Variants in EXOC6 observed in about 807,000 individuals in gnomAD.
EXOC6 encodes exocyst complex component 6, also known as SEC15-like 1.
EXOC6 carries 60 observed loss-of-function variants against 112.5 expected under a neutral mutation model. That is an observed-to-expected ratio of 0.53 (90% CI 0.43 to 0.66). EXOC6 has a LOEUF of 0.66. Ranked by LOEUF, EXOC6 falls within the 30% of genes least tolerant of loss-of-function variation. EXOC6 has a pLI of 0.00. For missense variants in EXOC6, 855 were observed against 957.1 expected (o/e 0.89, Z 1.41); for synonymous variants, 295 against 308.0 (o/e 0.96, Z 0.44).
At chr10:93,041,928 C>G (rs1423250544) in intron 20 of EXOC6, among the ~76,000 whole-genome samples, 4 of 152,096 alleles carry the variant, frequency 2.6e-5, no homozygotes, top group African/African-American at 9.6e-5. Flanking sequence ...CCAGGCTGGT[C>G]TTGAACTGCT....
chr10:92,870,150 C>T (rs1037341138), intron 1 of EXOC6, among the ~76,000 whole-genome samples: 1 of 152,016 alleles, frequency 6.6e-6, no homozygotes, highest in Non-Finnish European at 1.5e-5. Flanking sequence ...GACAGGGTTT[C>T]ACCATGTTGG....
chr10:93,003,669 A>G (rs835254), intron 19 of EXOC6, among the ~76,000 whole-genome samples: 1,582 of 152,332 alleles, frequency 0.01, 30 homozygotes, highest in African/African-American at 0.036. Context: ...AAGATTTCAT[A>G]GTCTGGCTGG....
intron 20 of EXOC6, among the ~76,000 whole-genome samples, chr10:93,041,567 T>C (rs1418530940): frequency 1.3e-5 from 2 of 151,750 alleles, no homozygotes; most frequent in African/African-American, 4.8e-5. Context: ...CCTACCACCA[T>C]ACCTGGCTAA....
chr10:92,855,831 C>G (rs935102272), intron 1 of EXOC6, among the ~76,000 whole-genome samples: 2 of 151,548 alleles, frequency 1.3e-5, no homozygotes, highest in African/African-American at 4.8e-5. Context: ...AAAGAACCAA[C>G]TCTCTGTTTT....
At chr10:92,913,147 G>C (rs1850895291) in intron 6 of EXOC6, among the ~76,000 whole-genome samples, 1 of 151,964 alleles carries the variant, frequency 6.6e-6, no homozygotes, top group Non-Finnish European at 1.5e-5. Context: ...AGTTTCAGGG[G>C]GTCTCCCTAC....
At chr10:92,918,024 A>C (rs1268152240) in intron 7 of EXOC6, among the ~76,000 whole-genome samples, 1 of 152,164 alleles carries the variant, frequency 6.6e-6, no homozygotes, top group Non-Finnish European at 1.5e-5. Flanking sequence ...TAGTGCCTGT[A>C]TTCCCAGCTA....
intron 18 of EXOC6, among the ~76,000 whole-genome samples, chr10:92,979,466 G>A (rs530629829): frequency 1.3e-5 from 2 of 152,340 alleles, no homozygotes; most frequent in South Asian, 4.1e-4. Flanking sequence ...CATGAGAACA[G>A]TACAGATTAA....
chr10:92,920,084 T>C, intron 8 of EXOC6, 34 bp downstream of exon 8: 1 of 1,319,276 alleles, frequency 7.6e-7, no homozygotes, highest in East Asian at 2.6e-5. Context: ...ATATATAGCT[T>C]TATATTATTT....
chr10:92,998,721 G>C (rs1267147519), intron 19 of EXOC6, among the ~76,000 whole-genome samples: 1 of 148,736 alleles, frequency 6.7e-6, no homozygotes, highest in East Asian at 2.0e-4. Context: ...TGTTTATTTA[G>C]AAAACAAAAG....
At position 92,940,831 on chromosome 10, in the gene EXOC6, C is replaced by CT. The variant is rs778425472; in HGVS notation, c.1310+8dup. The CT allele has an allele frequency of 6.4e-6, 10 of 1,568,666 alleles. No individual in the cohort carries two copies. In the Admixed American group the frequency reaches 1.7e-4, roughly 27 times the overall value. ...AATGGGCTGGAGTTTTCAGGTTAGT[C>CT]TAAGTCATGGTGCCTTAATATAATG... is the stretch of plus-strand genomic sequence containing the variant. On this transcript the variant is annotated splice_region_variant and intron_variant, in intron 13 of 21. Transcript: ENST00000260762.
chr10:92,828,582 C>A (rs1846421522), intron 1 of EXOC6, among the ~76,000 whole-genome samples: 1 of 151,146 alleles, frequency 6.6e-6, no homozygotes, highest in South Asian at 2.1e-4. Flanking sequence ...GATCTGCCAG[C>A]CTCAGCCTCC....
At chr10:92,838,669 A>G (rs1340723962) in intron 1 of EXOC6, among the ~76,000 whole-genome samples, 2 of 152,212 alleles carry the variant, frequency 1.3e-5, no homozygotes, top group Non-Finnish European at 2.9e-5. Context: ...GTAGAATTTG[A>G]TGTTAGCCAT....
At chr10:93,055,009 TA>T (rs1846474185) in intron 20 of EXOC6, among the ~76,000 whole-genome samples, 1 of 152,190 alleles carries the variant, frequency 6.6e-6, no homozygotes, top group Admixed American at 6.5e-5. Flanking sequence ...CATTCTTTTT[TA>T]AAAATTACTA....
At chr10:92,833,936 C>T (rs1846578490), upstream of EXOC6, among the ~76,000 whole-genome samples, 1 of 148,680 alleles carries the variant, frequency 6.7e-6, no homozygotes, top group Non-Finnish European at 1.5e-5. Context: ...TGGCAGCTAG[C>T]CTTCTTAAAA....
At chr10:92,981,737 A>G (rs1051512691) in intron 18 of EXOC6, among the ~76,000 whole-genome samples, 4 of 152,238 alleles carry the variant, frequency 2.6e-5, no homozygotes, top group Non-Finnish European at 4.4e-5. Flanking sequence ...ATTTATTCCC[A>G]GAAAGATATC....
Position 93,059,450 on chromosome 10 carries a change from T to G in EXOC6, c.*1095T>G, listed in dbSNP as rs1212964563. ...AGAATTATATGTACATCTCTGGATT[T>G]TGTGATGAAATATTAAAAATATTGA... On this transcript the variant is annotated 3_prime_UTR_variant, in exon 22 of 22. Transcript: ENST00000260762. 1 of 152,188 alleles carries G rather than the reference T, an allele frequency of 6.6e-6. No homozygotes were observed. Among genetic ancestry groups the G allele is most frequent in the Non-Finnish European group, 1.5e-5 (1 of 68,038 alleles). The allele number at this position is 152,188 out of a possible 1,614,324, so 9.4% of individuals were successfully genotyped here.
intron 20 of EXOC6, among the ~76,000 whole-genome samples, chr10:93,024,466 C>T (rs906914640): frequency 1.3e-5 from 2 of 152,118 alleles, no homozygotes; most frequent in Non-Finnish European, 2.9e-5. Flanking sequence ...CGGTTTCACT[C>T]TGTTGCCCAG....
intron 9 of EXOC6, among the ~76,000 whole-genome samples, chr10:92,929,112 A>AT (rs199691935): frequency 0.011 from 1,721 of 152,338 alleles, 19 homozygotes; most frequent in Non-Finnish European, 0.017. Flanking sequence ...TAGGTGTCTA[A>AT]TAAGAGATTG....
At chr10:93,002,126 C>T (rs1173549665) in intron 19 of EXOC6, among the ~76,000 whole-genome samples, 1 of 152,142 alleles carries the variant, frequency 6.6e-6, no homozygotes, top group Non-Finnish European at 1.5e-5. Flanking sequence ...TCTATTATCT[C>T]TGTGTATTCC....
Sources: gnomAD v4.1 joint callset for allele counts (sites outside exome capture counted in the v4.1 genomes callset) on GRCh38, gnomAD v4.1.1 for gene constraint, MANE v1.5 for transcripts, NCBI Gene and HGNC (gene_info 2026-07-23, HGNC 2026-07-21) for gene names.